RBM26: variants seen among roughly 807,000 people sequenced by gnomAD.
The protein encoded by RBM26 is RNA-binding protein 26.
RBM26 carries 30 observed loss-of-function variants against 123.6 expected under a neutral mutation model. That is an observed-to-expected ratio of 0.24 (90% confidence interval 0.18 to 0.33). The LOEUF (loss-of-function observed/expected upper bound fraction) is 0.33. Among genes scored for constraint, RBM26 ranks in the 10% least tolerant of loss-of-function variants. RBM26 has a pLI of 1.00. For synonymous variants in RBM26, 400 were observed against 404.4 expected (o/e 0.99, Z 0.13); for missense variants, 947 against 1,203.6 (o/e 0.79, Z 3.15).
intron 9 of RBM26, among the ~76,000 whole-genome samples, chr13:79,362,517 A>G (rs953281404): frequency 3.3e-5 from 5 of 152,118 alleles, no homozygotes; most frequent in African/African-American, 1.2e-4. Flanking sequence ...GGCTGTATCT[A>G]TTCTCTTCCT....
chr13:79,316,705 C>G (rs1348893994), downstream of RBM26, among the ~76,000 whole-genome samples: 3 of 151,768 alleles, frequency 2.0e-5, no homozygotes, highest in Non-Finnish European at 4.4e-5. Context: ...ACATTTAAAA[C>G]AACACTGCTT....
intron 1 of RBM26, among the ~76,000 whole-genome samples, chr13:79,384,720 G>A (rs1413962118): frequency 6.6e-6 from 1 of 152,040 alleles, no homozygotes; most frequent in Non-Finnish European, 1.5e-5. Flanking sequence ...AATTAATACA[G>A]AAAATCAAAT....
At chr13:79,337,691 GATTTTCT>G (rs575672988) in intron 18 of RBM26, among the ~76,000 whole-genome samples, 247 of 152,274 alleles carry the variant, frequency 1.6e-3, no homozygotes, top group African/African-American at 5.6e-3. Context: ...TTCCAGTTAT[GATTTTCT>G]ATTTGTTTGC....
downstream of RBM26, among the ~76,000 whole-genome samples, chr13:79,317,272 G>T (rs2067237937): frequency 6.6e-6 from 1 of 151,690 alleles, no homozygotes; most frequent in South Asian, 2.1e-4. Context: ...AATCCAAGTT[G>T]TTTCCAATGA....
At chr13:79,353,064 T>C (rs1386623887) in intron 14 of RBM26, 89 bp downstream of exon 14, 6 of 715,734 alleles carry the variant, frequency 8.4e-6, no homozygotes, top group African/African-American at 1.8e-5. Flanking sequence ...GAAGCAAGAG[T>C]TTAGAACTAT....
At chr13:79,360,015 C>G (rs1230567589) in intron 9 of RBM26, among the ~76,000 whole-genome samples, 1 of 152,040 alleles carries the variant, frequency 6.6e-6, no homozygotes, top group African/African-American at 2.4e-5. Flanking sequence ...CACTTGATCT[C>G]ATCATGTAGG....
Position 79,377,373 on chromosome 13 carries a change from C to A in RBM26, c.327+6G>T. 6.2e-7 allele frequency: 1 copy of A among 1,612,238 alleles called. No homozygotes were observed. Among genetic ancestry groups the A allele is most frequent in the Non-Finnish European group, 8.5e-7 (1 of 1,178,470 alleles). ...TAACCTGTAAGGTATTAACACAAATCGTTACCTCTTCCTTCTTTATATCTT... is the reference window on the plus strand; with the variant it reads ...TAACCTGTAAGGTATTAACACAAATAGTTACCTCTTCCTTCTTTATATCTT... On this transcript the variant is annotated splice_donor_region_variant and intron_variant, in intron 3 of 21. Coordinates refer to ENST00000438737, the MANE Select transcript of RBM26 (RefSeq NM_001366735.2).
At chr13:79,342,350 C>T (rs2071546489) in intron 17 of RBM26, among the ~76,000 whole-genome samples, 1 of 151,790 alleles carries the variant, frequency 6.6e-6, no homozygotes, top group Non-Finnish European at 1.5e-5. Context: ...ATTATTAACC[C>T]TCTATATCAC....
At chr13:79,340,162 T>A (rs199959943) in intron 18 of RBM26, among the ~76,000 whole-genome samples, 1 of 41,104 alleles carries the variant, frequency 2.4e-5, no homozygotes, top group Non-Finnish European at 5.7e-5. Context: ...TTTTTCAAAC[T>A]TTTTTTTTTC....
intron 18 of RBM26, among the ~76,000 whole-genome samples, 192 bp from the exon 19 acceptor site, chr13:79,337,494 C>CA (rs1204166607): frequency 3.3e-5 from 5 of 151,932 alleles, no homozygotes; most frequent in Non-Finnish European, 7.4e-5. Flanking sequence ...TAAACTGAAA[C>CA]AAAAAAATAA....
In RBM26 at chr13:79,371,941, A is replaced by T. The variant is rs1209716803; in HGVS notation, c.328-11T>A. ...TTCCTCCTTAGTGATCTGATTAAAAAAAAAAAAAAAAGTGTACAAGTTTAG... is the reference window on the plus strand; with the variant it reads ...TTCCTCCTTAGTGATCTGATTAAAATAAAAAAAAAAAGTGTACAAGTTTAG... On this transcript the variant is annotated splice_polypyrimidine_tract_variant and intron_variant, in intron 3 of 21. Coordinates refer to ENST00000438737, the MANE Select transcript of RBM26 (RefSeq NM_001366735.2). 1 of 1,557,318 alleles carries T rather than the reference A, an allele frequency of 6.4e-7. No homozygotes were observed.
chr13:79,359,442 C>T (rs977330620), intron 10 of RBM26, 133 bp downstream of exon 10: 1 of 472,844 alleles, frequency 2.1e-6, no homozygotes, highest in Non-Finnish European at 3.8e-6. Context: ...TTTTAGAAAA[C>T]TCACACTTGG....
chr13:79,377,753 C>T (rs1011251087), intron 2 of RBM26, among the ~76,000 whole-genome samples: 7 of 151,896 alleles, frequency 4.6e-5, no homozygotes, highest in African/African-American at 1.7e-4. Flanking sequence ...CCTGTCTCCA[C>T]AAAAATTAGC....
At chr13:79,342,550 C>A in intron 17 of RBM26, 114 bp downstream of exon 17, 1 of 791,804 alleles carries the variant, frequency 1.3e-6, no homozygotes, top group Non-Finnish European at 2.1e-6. Flanking sequence ...ATGGTACATA[C>A]AATGGTCAGA....
intron 9 of RBM26, among the ~76,000 whole-genome samples, chr13:79,361,990 T>C (rs555465214): frequency 1.3e-5 from 2 of 152,262 alleles, no homozygotes; most frequent in South Asian, 4.1e-4. Context: ...TATCTCCCTT[T>C]ACCTCCCACT....
At chr13:79,347,866 C>G (rs149139799) in intron 14 of RBM26, among the ~76,000 whole-genome samples, 1 of 151,980 alleles carries the variant, frequency 6.6e-6, no homozygotes, top group Non-Finnish European at 1.5e-5. Flanking sequence ...CAAGGAAAAA[C>G]AGTCAATATT....
chr13:79,405,626 T>G (rs971477165), intron 1 of RBM26, 78 bp downstream of exon 1: 1 of 1,017,794 alleles, frequency 9.8e-7, no homozygotes, highest in African/African-American at 1.6e-5. Flanking sequence ...CGCAGGCACT[T>G]GGGGAAACTG....
chr13:79,346,281 T>C (rs2072316712), intron 14 of RBM26, among the ~76,000 whole-genome samples: 1 of 152,148 alleles, frequency 6.6e-6, no homozygotes, highest in Non-Finnish European at 1.5e-5. Context: ...CTAAACGAAA[T>C]AAAAACCTAA....
At chr13:79,326,162 G>A (rs1457986682) in intron 20 of RBM26, among the ~76,000 whole-genome samples, 1 of 152,168 alleles carries the variant, frequency 6.6e-6, no homozygotes, top group Non-Finnish European at 1.5e-5. Flanking sequence ...AGTGGCACAT[G>A]ATTGTATAAA....
Sources: allele counts gnomAD v4.1 joint callset (sites outside exome capture counted in the v4.1 genomes callset), GRCh38; gene constraint gnomAD v4.1.1; transcripts MANE v1.5; gene names NCBI Gene and HGNC (gene_info 2026-07-23, HGNC 2026-07-21).